Variants in SLC24A2 observed in about 807,000 individuals in gnomAD.
SLC24A2 encodes the protein solute carrier family 24 member 2, also known as sodium/potassium/calcium exchanger 2.
In SLC24A2, 36 loss-of-function variants were observed where a neutral mutation model predicts 62.0. The ratio of observed to expected loss-of-function variants is 0.58; its 90% CI spans 0.44 to 0.77. The LOEUF (loss-of-function observed/expected upper bound fraction) is 0.77. Among genes scored for constraint, SLC24A2 ranks in the 30% least tolerant of loss-of-function variants. The probability of loss-of-function intolerance (pLI) is 0.00; values close to 1 mark genes in which losing one functional copy is unlikely to be tolerated. For synonymous variants in SLC24A2, 358 were observed against 294.0 expected (o/e 1.22, Z -2.23); for missense variants, 846 against 817.9 (o/e 1.03, Z -0.42).
the SLC24A2 span, among the ~76,000 whole-genome samples, chr9:19,920,533 C>T: frequency 6.6e-6 from 1 of 152,204 alleles, no homozygotes; most frequent in Admixed American, 6.5e-5. Flanking sequence ...GGAAGCAAAC[C>T]AGCATTGGGT....
intron 9 of SLC24A2, among the ~76,000 whole-genome samples, chr9:19,523,227 G>C (rs1483446399): frequency 6.6e-6 from 1 of 152,172 alleles, no homozygotes; most frequent in Non-Finnish European, 1.5e-5. Context: ...TTGAAGAGGA[G>C]AAAAATGGTG....
the SLC24A2 span, among the ~76,000 whole-genome samples, chr9:20,153,378 T>C: frequency 4.0e-5 from 6 of 151,814 alleles, no homozygotes; most frequent in Admixed American, 6.6e-5. Flanking sequence ...TGTTTGGTAA[T>C]TGGGTAAAAG....
the SLC24A2 span, among the ~76,000 whole-genome samples, chr9:19,857,764 G>A: frequency 6.7e-6 from 1 of 148,772 alleles, no homozygotes; most frequent in Admixed American, 6.7e-5. Flanking sequence ...TTTTTTTGGT[G>A]TGCAGATTTA....
intron 2 of SLC24A2, among the ~76,000 whole-genome samples, chr9:19,709,422 T>A (rs34261744): frequency 0.19 from 28,608 of 152,114 alleles, 2,843 homozygotes; most frequent in Middle Eastern, 0.24. Flanking sequence ...CCCAAAGGAT[T>A]ATAAATCATG....
At chr9:20,033,311 G>A in the SLC24A2 span, among the ~76,000 whole-genome samples, 1 of 152,170 alleles carries the variant, frequency 6.6e-6, no homozygotes, top group African/African-American at 2.4e-5. Flanking sequence ...TCATTTAATT[G>A]TTCTAAGCCT....
intron 5 of SLC24A2, among the ~76,000 whole-genome samples, chr9:19,595,487 C>T (rs976731818): frequency 1.3e-5 from 2 of 152,054 alleles, no homozygotes; most frequent in Non-Finnish European, 2.9e-5. Context: ...CAGGGAGGGC[C>T]CCCAAACACA....
chr9:19,543,184 C>A (rs890688041), intron 8 of SLC24A2, among the ~76,000 whole-genome samples: 13 of 152,118 alleles, frequency 8.5e-5, no homozygotes, highest in African/African-American at 2.7e-4. Flanking sequence ...GGAATTTATC[C>A]ATTTCTTCTA....
At chr9:20,047,787 A>C in the SLC24A2 span, among the ~76,000 whole-genome samples, 7 of 151,356 alleles carry the variant, frequency 4.6e-5, no homozygotes, top group Admixed American at 4.6e-4. Flanking sequence ...CCACCTCCTA[A>C]TACCATCACC....
chr9:19,686,537 G>A (rs1429748783), intron 2 of SLC24A2, among the ~76,000 whole-genome samples: 2 of 152,096 alleles, frequency 1.3e-5, no homozygotes, highest in Admixed American at 6.6e-5. Context: ...GCGGGAGGGA[G>A]CCCATGGGAG....
chr9:20,250,043 A>G, the SLC24A2 span, among the ~76,000 whole-genome samples: 1 of 152,260 alleles, frequency 6.6e-6, no homozygotes, highest in Non-Finnish European at 1.5e-5. Context: ...AATAATGAGC[A>G]GAGAAGGATT....
the SLC24A2 span, among the ~76,000 whole-genome samples, chr9:19,874,996 C>CAAAAA: frequency 1.0e-5 from 1 of 96,690 alleles, no homozygotes; most frequent in Non-Finnish European, 2.0e-5. Context: ...TCCAGAATTA[C>CAAAAA]AAAAAAAAAA....
intron 2 of SLC24A2, among the ~76,000 whole-genome samples, chr9:19,750,931 C>T (rs1432537762): frequency 6.6e-6 from 1 of 152,174 alleles, no homozygotes; most frequent in Non-Finnish European, 1.5e-5. Flanking sequence ...GAAGACCCTG[C>T]TCTAGTGTTA....
chr9:19,815,724 T>C, the SLC24A2 span, among the ~76,000 whole-genome samples: 9 of 152,244 alleles, frequency 5.9e-5, no homozygotes, highest in Middle Eastern at 3.4e-3. Flanking sequence ...TATATGGTTG[T>C]TAAGTTTTGA....
In SLC24A2 at chr9:19,786,324, A is replaced by G. The variant is rs1375569495; in HGVS notation, c.543T>C (p.Ala181=). The part of the protein sequence containing the change: ...SDDVAGATFM[A]AGGSAPELFT... Reference sequence around the variant, plus strand: ...AAAGTTCTGGGGCTGACCCTCCTGCAGCCATGAAGGTGGCTCCAGCCACAT... The same window carrying G: ...AAAGTTCTGGGGCTGACCCTCCTGCGGCCATGAAGGTGGCTCCAGCCACAT... The change falls in exon 2 of 11, where the codon GCT becomes GCC. Residue 181 remains alanine, a synonymous_variant. Coordinates refer to ENST00000341998, the MANE Select transcript of SLC24A2 (RefSeq NM_020344.4). The surrounding 1 kb of genome is among the most constrained non-coding windows in gnomAD (Gnocchi z 5.0). The G allele has an allele frequency of 6.2e-7, 1 of 1,614,082 alleles. No individual in the cohort carries two copies. The highest frequency in any genetic ancestry group is 1.3e-5 in the African/African-American group (1 of 74,940).
chr9:20,084,045 C>A, the SLC24A2 span, among the ~76,000 whole-genome samples: 1 of 152,182 alleles, frequency 6.6e-6, no homozygotes, highest in Non-Finnish European at 1.5e-5. Context: ...TTGCTTGCCT[C>A]CAAAAATAAT....
the SLC24A2 span, among the ~76,000 whole-genome samples, chr9:20,128,948 T>A: frequency 1.3e-5 from 2 of 151,960 alleles, no homozygotes; most frequent in South Asian, 4.1e-4. Context: ...AAAATGGACT[T>A]CAAAAGTAAA....
intron 2 of SLC24A2, among the ~76,000 whole-genome samples, chr9:19,709,813 A>C (rs1820660050): frequency 6.6e-6 from 1 of 151,122 alleles, no homozygotes; most frequent in African/African-American, 2.4e-5. Flanking sequence ...TGAGGAGTTA[A>C]TGGGTGCAGC....
At chr9:19,543,062 G>T (rs188749348) in intron 8 of SLC24A2, among the ~76,000 whole-genome samples, 1 of 152,214 alleles carries the variant, frequency 6.6e-6, no homozygotes, top group Admixed American at 6.5e-5. Context: ...AATTCATCTG[G>T]TTCTGGACTT....
the SLC24A2 span, among the ~76,000 whole-genome samples, chr9:20,161,908 T>C: frequency 6.6e-6 from 1 of 151,694 alleles, no homozygotes; most frequent in African/African-American, 2.4e-5. Context: ...TACTGTTTAA[T>C]ATTTTACTGG....
Sources: gnomAD v4.1 joint callset for allele counts (sites outside exome capture counted in the v4.1 genomes callset) on GRCh38, gnomAD v4.1.1 for gene constraint, Gnocchi (gnomAD v3.1) non-coding constraint, MANE v1.5 for transcripts, NCBI Gene and HGNC (gene_info 2026-07-23, HGNC 2026-07-21) for gene names.